The following BRWD1 variants were observed in gnomAD, a reference collection of about 807,000 sequenced individuals.
BRWD1 encodes the protein bromodomain and WD repeat domain containing 1.
BRWD1 carries 82 observed loss-of-function variants against 251.2 expected under a neutral mutation model. That is an observed-to-expected ratio of 0.33 (90% CI 0.27 to 0.39). BRWD1 has a LOEUF of 0.39. Among genes scored for constraint, BRWD1 ranks in the 10% least tolerant of loss-of-function variants. The pLI is 1.00. For missense variants in BRWD1, 2,233 were observed against 2,711.6 expected (o/e 0.82, Z 3.92); for synonymous variants, 918 against 902.8 (o/e 1.02, Z -0.30).
At chr21:39,314,230 G>T, upstream of BRWD1, 1 of 455,614 alleles carries the variant, frequency 2.2e-6, no homozygotes, top group South Asian at 1.6e-5. Flanking sequence ...CTCCTGGGGC[G>T]GGGGCCTCGT....
intron 21 of BRWD1, among the ~76,000 whole-genome samples, chr21:39,239,807 G>A (rs543220500): frequency 1.3e-5 from 2 of 152,166 alleles, no homozygotes; most frequent in Non-Finnish European, 2.9e-5. Context: ...TGATAGGAAT[G>A]CAAAATGGTA....
intron 4 of BRWD1, among the ~76,000 whole-genome samples, chr21:39,304,988 C>T (rs761064828): frequency 8.6e-6 from 1 of 115,738 alleles, no homozygotes; most frequent in Non-Finnish European, 1.7e-5. Context: ...GAGATGGAGT[C>T]TTGCTCTGTC....
In BRWD1 at chr21:39,189,838, A is replaced by G; in HGVS notation, c.*6421T>C. 1 of 985,398 alleles carries G rather than the reference A, an allele frequency of 1.0e-6. No individual in the cohort carries two copies. Among genetic ancestry groups the G allele is most frequent in the Non-Finnish European group, 1.2e-6 (1 of 829,896 alleles). The allele number at this position is 985,398 out of a possible 1,614,324, so 61.0% of individuals were successfully genotyped here. ...ATTTGTGTGTTAGGGTACAAGCTTA[A>G]GAACTCTGGATGTTGCTGCTCTAAC... On this transcript the variant is annotated 3_prime_UTR_variant, in exon 41 of 41. Coordinates refer to ENST00000342449, the MANE Select transcript of BRWD1 (RefSeq NM_033656.4).
At chr21:39,302,487 T>C (rs1293587143) in intron 4 of BRWD1, among the ~76,000 whole-genome samples, 1 of 152,096 alleles carries the variant, frequency 6.6e-6, no homozygotes, top group Non-Finnish European at 1.5e-5. Context: ...CTGAGAGCAG[T>C]GGCTCAGACT....
chr21:39,198,129 A>G (rs1265060809), intron 40 of BRWD1, among the ~76,000 whole-genome samples: 1 of 152,186 alleles, frequency 6.6e-6, no homozygotes, highest in Non-Finnish European at 1.5e-5. Flanking sequence ...TTTTCATCTT[A>G]GTTTTAGCTG....
Position 39,191,219 on chromosome 21 carries a change from T to A in BRWD1, c.*5040A>T, listed in dbSNP as rs2031534776. 1.0e-6 allele frequency: 1 copy of A among 985,182 alleles called. No individual in the cohort carries two copies. The allele number at this position is 985,182 out of a possible 1,614,324, so 61.0% of individuals were successfully genotyped here. On this transcript the variant is annotated 3_prime_UTR_variant, in exon 41 of 41. Transcript: ENST00000342449. ...AGACAATCCAATGGCAAACCCCTTT[T>A]CCAGCAGGGCTCCTGACTCGCTTCA... is the stretch of plus-strand genomic sequence containing the variant.
At chr21:39,313,966 C>T (rs2036626167), upstream of BRWD1, 4 of 382,402 alleles carry the variant, frequency 1.0e-5, no homozygotes, top group African/African-American at 2.2e-5. Flanking sequence ...AGCGCGGCCA[C>T]AAGAGGGGGC....
At chr21:39,279,564 A>G (rs1213135008) in intron 9 of BRWD1, among the ~76,000 whole-genome samples, 1 of 146,982 alleles carries the variant, frequency 6.8e-6, no homozygotes, top group East Asian at 2.1e-4. Context: ...ACTTGAACCC[A>G]GGAGGCAGAG....
chr21:39,294,736 A>G (rs2035909009), intron 7 of BRWD1, among the ~76,000 whole-genome samples: 2 of 152,134 alleles, frequency 1.3e-5, no homozygotes, highest in South Asian at 2.1e-4. Context: ...TCTATACTTC[A>G]TAGTGTGAGA....
upstream of BRWD1, chr21:39,314,089 C>A: frequency 2.2e-6 from 1 of 456,032 alleles, no homozygotes; most frequent in South Asian, 1.5e-5. Context: ...GGTCATTTCA[C>A]GGACCGGTCG....
intron 5 of BRWD1, chr21:39,297,614 C>T (rs2035994447): frequency 4.2e-6 from 1 of 235,336 alleles, no homozygotes; most frequent in Non-Finnish European, 6.9e-6. Flanking sequence ...GGTGACATGG[C>T]TAGAGCACTA....
At chr21:39,314,405 T>C, upstream of BRWD1, 1 of 449,884 alleles carries the variant, frequency 2.2e-6, no homozygotes, top group South Asian at 1.6e-5. Flanking sequence ...CTCGGCTGGA[T>C]CCATCCAAGC....
intron 36 of BRWD1, among the ~76,000 whole-genome samples, chr21:39,208,991 AG>A (rs1216069530): frequency 2.0e-5 from 3 of 151,316 alleles, no homozygotes; most frequent in Non-Finnish European, 4.4e-5. Context: ...AAAAAAAAAA[AG>A]AAAGAAAGAA....
chr21:39,275,035 A>G (rs1196084236), intron 12 of BRWD1, among the ~76,000 whole-genome samples: 1 of 151,914 alleles, frequency 6.6e-6, no homozygotes, highest in Non-Finnish European at 1.5e-5. Context: ...ACAGAGCTAG[A>G]CTCCGTCTCA....
chr21:39,270,300 G>A lies in BRWD1; in HGVS notation c.1378C>T (p.Leu460=), dbSNP rs775505813. The change falls in exon 14 of 41, where the codon CTG becomes TTG. Residue 460 remains leucine, a synonymous_variant. Coordinates refer to ENST00000342449, the MANE Select transcript of BRWD1 (RefSeq NM_033656.4). ...LKVWNSYTGQ[L]LHNLMGHADE... ...TTACCTACCATTAAGTTATGAAGCA[G>A]TTGTCCAGTGTAAGAATTCCACACT... 4 of 1,598,534 alleles carry A rather than the reference G, an allele frequency of 2.5e-6. No individual in the cohort carries two copies. The South Asian group carries it at 3.4e-5, about 14-fold the overall frequency.
rs2031797155 is a variant in BRWD1, at chr21:39,196,117, T to C, written c.*142A>G. 1.4e-6 allele frequency: 2 copies of C among 1,423,760 alleles called. No individual in the cohort carries two copies. The highest frequency in any genetic ancestry group is 1.5e-5 in the African/African-American group (1 of 68,308). The allele number at this position is 1,423,760 out of a possible 1,614,324, so 88.2% of individuals were successfully genotyped here. On this transcript the variant is annotated 3_prime_UTR_variant, in exon 41 of 41. Coordinates refer to ENST00000342449, the MANE Select transcript of BRWD1 (RefSeq NM_033656.4). ...CAAGTGCAAATAAAAATAACAGTCA[T>C]GATTTAGTCACATTCATAACTTTTC... is the stretch of plus-strand genomic sequence containing the variant.
rs752418690 is a variant in BRWD1 at position 39,187,431 on chromosome 21, G to T, written c.*8828C>A. ...TAGGAACAAATTCTGAAAAATGAGT[G>T]AAAGTTCATGTAAATGCAAAAATCT... is the stretch of plus-strand genomic sequence containing the variant. On this transcript the variant is annotated 3_prime_UTR_variant, in exon 41 of 41. Coordinates refer to ENST00000342449, the MANE Select transcript of BRWD1 (RefSeq NM_033656.4). 8.5e-6 allele frequency: 13 copies of T among 1,534,366 alleles called. No homozygotes were observed. Among genetic ancestry groups the T allele is most frequent in the South Asian group, 1.3e-5 (1 of 78,316 alleles).
chr21:39,247,905 G>A (rs1051598883), intron 20 of BRWD1, 73 bp from the exon 21 acceptor site: 23 of 1,411,466 alleles, frequency 1.6e-5, no homozygotes, highest in Middle Eastern at 1.9e-4. Flanking sequence ...TGGGCATTCC[G>A]TCAAGTTTCC....
intron 19 of BRWD1, among the ~76,000 whole-genome samples, chr21:39,251,285 T>G (rs527947384): frequency 1.1e-4 from 16 of 152,298 alleles, no homozygotes; most frequent in Admixed American, 3.9e-4. Flanking sequence ...AAAACAAGAA[T>G]AGCAATGTTA....
Sources: allele counts gnomAD v4.1 joint callset (sites outside exome capture counted in the v4.1 genomes callset), GRCh38; gene constraint gnomAD v4.1.1; transcripts MANE v1.5; gene names NCBI Gene and HGNC (gene_info 2026-07-23, HGNC 2026-07-21).